The following AGMO variants were observed in gnomAD, a reference collection of about 807,000 sequenced individuals.
AGMO encodes glyceryl-ether monooxygenase.
Under a neutral mutation model 60.2 loss-of-function variants are expected in AGMO, and 75 were observed. The ratio of observed to expected loss-of-function variants is 1.25; its 90% confidence interval spans 1.03 to 1.51. The LOEUF (loss-of-function observed/expected upper bound fraction) is 1.51. Among genes scored for constraint, AGMO ranks in the 40% most tolerant of loss-of-function variants. AGMO has a pLI of 0.00. For synonymous variants in AGMO, 261 were observed against 177.1 expected, an observed-to-expected ratio of 1.47 and a Z score of -3.76; for missense variants, 763 against 525.5, an observed-to-expected ratio of 1.45 and a Z score of -4.42.
chr7:15,391,015 T>C, intron 6 of AGMO, 110 bp from the exon 7 acceptor site: 2 of 658,034 alleles, frequency 3.0e-6, no homozygotes, highest in Non-Finnish European at 5.1e-6. Flanking sequence ...TTAAACAGGG[T>C]ACAATTTCCC....
At chr7:15,321,876 T>C (rs1434028773) in intron 12 of AGMO, among the ~76,000 whole-genome samples, 1 of 152,088 alleles carries the variant, frequency 6.6e-6, no homozygotes, top group Non-Finnish European at 1.5e-5. Flanking sequence ...GACTCACTCT[T>C]CAGAGCCCTA....
chr7:15,499,828 A>C (rs1010085509), intron 3 of AGMO, among the ~76,000 whole-genome samples: 1 of 151,532 alleles, frequency 6.6e-6, no homozygotes, highest in Non-Finnish European at 1.5e-5. Flanking sequence ...AAGATATTTT[A>C]CTCAGTGAGA....
chr7:15,546,518 T>A lies in AGMO; in HGVS notation c.258-1595A>T, dbSNP rs185270546. ...ATGGGCCTGTTTGCTGAGCCATTCT[T>A]CCTGAGGGCAGACCTCTGCAGGTGT... is the stretch of plus-strand genomic sequence containing the variant. On this transcript the variant is annotated intron_variant, in intron 2 of 12. Transcript: ENST00000342526. Among the ~76,000 whole-genome samples, 27 of 152,354 alleles carry A rather than the reference T, an allele frequency of 1.8e-4. No individual in the cohort carries two copies. The East Asian group carries it at 4.6e-3, about 26-fold the overall frequency.
At chr7:15,120,906 C>T in the AGMO span, among the ~76,000 whole-genome samples, 15 of 151,968 alleles carry the variant, frequency 9.9e-5, no homozygotes, top group African/African-American at 3.6e-4. Context: ...CTGCACCTAT[C>T]AACCCGTCTT....
chr7:15,146,092 G>T, the AGMO span, among the ~76,000 whole-genome samples: 6 of 152,066 alleles, frequency 3.9e-5, no homozygotes, highest in Admixed American at 3.9e-4. Flanking sequence ...TTCACTCAAA[G>T]TGTAGCTAAC....
the AGMO span, among the ~76,000 whole-genome samples, chr7:15,130,101 T>A: frequency 6.6e-6 from 1 of 152,272 alleles, no homozygotes; most frequent in South Asian, 2.1e-4. Flanking sequence ...ATTGGGCATA[T>A]GAATCAAACT....
intron 12 of AGMO, among the ~76,000 whole-genome samples, chr7:15,219,326 GAGCACAGTAGTTGTTCA>G (rs1434778014): frequency 3.3e-5 from 5 of 152,082 alleles, no homozygotes; most frequent in African/African-American, 1.2e-4. Context: ...TGAAGTGCTG[GAGCACAGTAGTTGTTCA>G]ATTAAGTATT....
intron 12 of AGMO, among the ~76,000 whole-genome samples, chr7:15,269,511 G>A (rs992857987): frequency 6.6e-6 from 1 of 152,046 alleles, no homozygotes; most frequent in African/African-American, 2.4e-5. Flanking sequence ...TTAGATAGGG[G>A]TGCATGAAAG....
At position 15,493,362 on chromosome 7, in the gene AGMO, C is replaced by CACTCAT. The variant is rs71004386; in HGVS notation, c.409+51409_409+51410insATGAGT. On this transcript the variant is annotated intron_variant, in intron 3 of 12. Transcript: ENST00000342526. ...ACACACACACACACACACACACACACTTCTTTTTTTTTTTTTTTTTTTTTT... is the reference window on the plus strand; with the variant it reads ...ACACACACACACACACACACACACACACTCATTTCTTTTTTTTTTTTTTTTTTTTTT... Among the ~76,000 whole-genome samples the CACTCAT allele has an allele frequency of 2.0e-5, 2 of 102,264 alleles. 1 individual carries two copies. Among genetic ancestry groups the CACTCAT allele is most frequent in the Non-Finnish European group, 3.7e-5 (2 of 54,676 alleles). 67.1% of individuals were successfully genotyped at this position (102,264 alleles called of 152,430 possible).
At chr7:15,391,404 A>G (rs1784131804) in intron 6 of AGMO, among the ~76,000 whole-genome samples, 1 of 152,168 alleles carries the variant, frequency 6.6e-6, no homozygotes, top group South Asian at 2.1e-4. Flanking sequence ...TAAAAAATAA[A>G]CTACCCTTAA....
intron 3 of AGMO, among the ~76,000 whole-genome samples, chr7:15,489,803 G>A (rs1265890787): frequency 6.6e-6 from 1 of 152,152 alleles, no homozygotes; most frequent in Admixed American, 6.5e-5. Context: ...ACTTCAAAAA[G>A]TTGATATAGT....
At chr7:15,255,654 G>C (rs1389456139) in intron 12 of AGMO, among the ~76,000 whole-genome samples, 1 of 151,776 alleles carries the variant, frequency 6.6e-6, no homozygotes, top group African/African-American at 2.4e-5. Context: ...ACATTAAAAA[G>C]ATCTTCATAA....
intron 3 of AGMO, among the ~76,000 whole-genome samples, chr7:15,459,915 G>C (rs995397065): frequency 2.0e-5 from 3 of 151,932 alleles, no homozygotes; most frequent in Admixed American, 2.0e-4. Context: ...TCATTTGACT[G>C]TATTGAGATT....
chr7:15,154,649 G>T, the AGMO span, among the ~76,000 whole-genome samples: 1 of 152,186 alleles, frequency 6.6e-6, no homozygotes, highest in African/African-American at 2.4e-5. Context: ...TGATGGTGCT[G>T]TTAGCTGGTT....
intron 2 of AGMO, among the ~76,000 whole-genome samples, chr7:15,559,326 T>C (rs1214800166): frequency 1.3e-5 from 2 of 152,044 alleles, no homozygotes; most frequent in African/African-American, 4.8e-5. Flanking sequence ...AAGCATCATG[T>C]CATGTGATAA....
At chr7:15,339,118 G>A (rs964471670) in intron 12 of AGMO, among the ~76,000 whole-genome samples, 15 of 152,144 alleles carry the variant, frequency 9.9e-5, no homozygotes, top group African/African-American at 3.4e-4. Context: ...TCTAGCAACA[G>A]CCATCAACTA....
the AGMO span, among the ~76,000 whole-genome samples, chr7:15,164,831 T>C: frequency 6.6e-6 from 1 of 152,160 alleles, no homozygotes; most frequent in Non-Finnish European, 1.5e-5. Flanking sequence ...GAAAGCAGTA[T>C]GTAAATTTCT....
intron 12 of AGMO, among the ~76,000 whole-genome samples, chr7:15,281,726 C>A (rs1241838154): frequency 6.6e-6 from 1 of 152,132 alleles, no homozygotes; most frequent in Non-Finnish European, 1.5e-5. Context: ...CAGTCTCTAC[C>A]CAGGGACACC....
chr7:15,119,744 C>G, the AGMO span, among the ~76,000 whole-genome samples: 1 of 152,076 alleles, frequency 6.6e-6, no homozygotes, highest in Non-Finnish European at 1.5e-5. Flanking sequence ...TATAGACATT[C>G]TTTTTCTTAA....
Sources: allele counts gnomAD v4.1 joint callset (sites outside exome capture counted in the v4.1 genomes callset), GRCh38; gene constraint gnomAD v4.1.1; transcripts MANE v1.5; gene names NCBI Gene and HGNC (gene_info 2026-07-23, HGNC 2026-07-21).